Variants in DENND1A observed in about 807,000 individuals in gnomAD.
DENND1A encodes the protein DENN domain-containing protein 1A.
A neutral mutation model predicts 113.7 loss-of-function variants in DENND1A; 51 were observed. The observed-to-expected ratio is 0.45, with a 90% confidence interval of 0.36 to 0.57. DENND1A has a LOEUF of 0.57. Among genes scored for constraint, DENND1A ranks in the 20% least tolerant of loss-of-function variants. The pLI is 0.00. For missense variants in DENND1A, 1,258 were observed against 1,395.9 expected (o/e 0.90, Z 1.57); for synonymous variants, 565 against 570.8 (o/e 0.99, Z 0.14).
intron 2 of DENND1A, among the ~76,000 whole-genome samples, chr9:123,847,803 C>T (rs1392998859): frequency 1.3e-5 from 2 of 152,122 alleles, no homozygotes; most frequent in African/African-American, 2.4e-5. Context: ...GGCGTGGTGG[C>T]ATGCACCTGT....
intron 1 of DENND1A, among the ~76,000 whole-genome samples, chr9:123,908,796 C>G (rs1407781534): frequency 6.6e-6 from 1 of 152,108 alleles, no homozygotes; most frequent in Non-Finnish European, 1.5e-5. Context: ...GTGGAGATTC[C>G]TCAGGGATCT....
chr9:123,383,826 T>C lies in DENND1A; in HGVS notation c.1848A>G (p.Thr616=), dbSNP rs751102366. 6.2e-7 allele frequency: 1 copy of C among 1,613,962 alleles called. No individual in the cohort carries two copies. Among genetic ancestry groups the C allele is most frequent in the Admixed American group, 1.7e-5 (1 of 60,024 alleles). Residue 616 remains threonine, a synonymous_variant, in exon 23 of 24, where the codon ACA becomes ACG. Transcript: ENST00000394215. ...ESPEQQVRKS[T]GPVPAPPDRA... is the part of the protein sequence containing the mutation. ...GGTCAGGGGGAGCTGGGACAGGGCC[T>C]GTGGACTTCCGCACTTGCTGCTCTG...
At chr9:123,403,763 C>G (rs540542748) in intron 20 of DENND1A, among the ~76,000 whole-genome samples, 51 of 152,280 alleles carry the variant, frequency 3.3e-4, no homozygotes, top group Middle Eastern at 6.8e-3. Flanking sequence ...GTTCCATTGG[C>G]CTCCTTGCAG....
At chr9:123,735,308 C>G (rs915609137) in intron 5 of DENND1A, among the ~76,000 whole-genome samples, 17 of 152,162 alleles carry the variant, frequency 1.1e-4, no homozygotes, top group East Asian at 1.9e-4. Flanking sequence ...TTTGTACACT[C>G]TCTCTCTCTC....
intron 22 of DENND1A, among the ~76,000 whole-genome samples, chr9:123,385,038 A>C (rs537582574): frequency 6.6e-6 from 1 of 152,340 alleles, no homozygotes; most frequent in East Asian, 1.9e-4. Context: ...ATAGTTAACA[A>C]AGGGTTCCAC....
intron 12 of DENND1A, among the ~76,000 whole-genome samples, chr9:123,570,177 C>A (rs1244744418): frequency 6.6e-6 from 1 of 152,144 alleles, no homozygotes; most frequent in Non-Finnish European, 1.5e-5. Flanking sequence ...GCTCAATACA[C>A]TGAGCATACA....
chr9:123,480,995 T>C (rs1421959544), intron 13 of DENND1A, among the ~76,000 whole-genome samples: 1 of 152,234 alleles, frequency 6.6e-6, no homozygotes, highest in Non-Finnish European at 1.5e-5. Context: ...AAAAAATTCA[T>C]AGAATGCACT....
chr9:123,407,179 G>A (rs2043931331), intron 20 of DENND1A, among the ~76,000 whole-genome samples: 3 of 137,202 alleles, frequency 2.2e-5, no homozygotes, highest in South Asian at 5.6e-4. Flanking sequence ...GGGGGGTGGG[G>A]AGCACGGAGC....
chr9:123,477,887 G>A (rs2050041532), intron 13 of DENND1A, among the ~76,000 whole-genome samples: 1 of 152,168 alleles, frequency 6.6e-6, no homozygotes, highest in African/African-American at 2.4e-5. Flanking sequence ...AGGCAAGGGT[G>A]CTCAATGGTA....
intron 13 of DENND1A, among the ~76,000 whole-genome samples, chr9:123,484,652 C>T (rs1347475316): frequency 6.6e-6 from 1 of 152,214 alleles, no homozygotes; most frequent in East Asian, 1.9e-4. Context: ...ACACTGAGTG[C>T]TTGCAGGTCT....
chr9:123,901,932 G>A (rs1851702525), intron 1 of DENND1A, among the ~76,000 whole-genome samples: 1 of 152,036 alleles, frequency 6.6e-6, no homozygotes, highest in African/African-American at 2.4e-5. Context: ...TGTGAACCCG[G>A]GAGACAGAGC....
rs528383672 is a variant in DENND1A, at chr9:123,441,602, G to C, written c.1357-1111C>G. Among the ~76,000 whole-genome samples the C allele has an allele frequency of 1.3e-4, 20 of 152,294 alleles. No homozygotes were observed. In the South Asian group the frequency reaches 3.9e-3, roughly 30 times the overall value. On this transcript the variant is annotated intron_variant, in intron 18 of 23. Coordinates refer to ENST00000394215, the MANE Select transcript of DENND1A (RefSeq NM_001352964.2). Reference sequence around the variant, plus strand: ...GAAGCTGGCAGCTGACTATACACGTGGGTCATTTGGAACATGGATGGGGCC... The same window carrying C: ...GAAGCTGGCAGCTGACTATACACGTCGGTCATTTGGAACATGGATGGGGCC...
intron 13 of DENND1A, among the ~76,000 whole-genome samples, chr9:123,545,334 A>C (rs2056590801): frequency 6.6e-6 from 1 of 152,106 alleles, no homozygotes. Flanking sequence ...ATATCCAAGA[A>C]CTGAGGGTGG....
In DENND1A at chr9:123,387,992, T is replaced by C. The variant is rs117819779; in HGVS notation, c.1632-134A>G. On this transcript the variant is annotated intron_variant, in intron 21 of 23. Transcript: ENST00000394215. ...CTGTGTGCCAGCCTGGGGTGGGGGC[T>C]CTCAGGAGAGGAAGCTCGTTCCAGA... 7,147 of 914,364 alleles carry C rather than the reference T, an allele frequency of 7.8e-3. 41 individuals carry two copies. Among genetic ancestry groups the C allele is most frequent in the Middle Eastern group, 0.013 (29 of 2,310 alleles). The allele number at this position is 914,364 out of a possible 1,614,324, so 56.6% of individuals were successfully genotyped here.
chr9:123,546,169 G>A (rs980046981), intron 13 of DENND1A, among the ~76,000 whole-genome samples: 15 of 152,098 alleles, frequency 9.9e-5, no homozygotes, highest in East Asian at 3.8e-4. Context: ...CTGTGCCTTC[G>A]CTTTACATTT....
rs539607585 is a variant in DENND1A at position 123,474,575 on chromosome 9, C to G, written c.994-16678G>C. Among the ~76,000 whole-genome samples, 3 of 152,296 alleles carry G rather than the reference C, an allele frequency of 2.0e-5. No individual in the cohort carries two copies. In the South Asian group the frequency reaches 6.2e-4, roughly 32 times the overall value. Reference sequence around the variant, plus strand: ...TTACCCACATGTATGGCAAATGTCTCTCATTAATGCCTTTGATAAGGTGGG... The same window carrying G: ...TTACCCACATGTATGGCAAATGTCTGTCATTAATGCCTTTGATAAGGTGGG... On this transcript the variant is annotated intron_variant, in intron 13 of 23. Transcript: ENST00000394215.
intron 2 of DENND1A, among the ~76,000 whole-genome samples, chr9:123,820,972 A>T (rs1489711379): frequency 1.3e-5 from 2 of 152,218 alleles, no homozygotes; most frequent in African/African-American, 4.8e-5. Flanking sequence ...TAGTAAAATG[A>T]AGAAGCATAC....
At chr9:123,787,962 C>T (rs1004884795) in intron 3 of DENND1A, among the ~76,000 whole-genome samples, 1 of 152,056 alleles carries the variant, frequency 6.6e-6, no homozygotes, top group Non-Finnish European at 1.5e-5. Context: ...AGAAAAATTA[C>T]CTGCAACTCT....
intron 1 of DENND1A, among the ~76,000 whole-genome samples, chr9:123,928,133 A>T (rs1857411160): frequency 6.6e-6 from 1 of 152,198 alleles, no homozygotes; most frequent in Non-Finnish European, 1.5e-5. Flanking sequence ...TAAATTCCCT[A>T]ACCCAAGTGC....
Sources: gnomAD v4.1 joint callset for allele counts (sites outside exome capture counted in the v4.1 genomes callset) on GRCh38, gnomAD v4.1.1 for gene constraint, MANE v1.5 for transcripts, NCBI Gene and HGNC (gene_info 2026-07-23, HGNC 2026-07-21) for gene names.